The following SNX29 variants were observed in gnomAD, a reference collection of about 807,000 sequenced individuals.
SNX29 encodes sorting nexin-29.
Under a neutral mutation model 102.1 loss-of-function variants are expected in SNX29, and 78 were observed. That is an observed-to-expected ratio of 0.76 (90% CI 0.64 to 0.92). The LOEUF is 0.92. Ranked by LOEUF, SNX29 falls within the 40% of genes least tolerant of loss-of-function variation. The pLI is 0.00. For missense variants in SNX29, 1,280 were observed against 1,061.7 expected (o/e 1.21, Z -2.86); for synonymous variants, 580 against 414.5 (o/e 1.40, Z -4.85).
At position 12,048,413 on chromosome 16, in the gene SNX29, G is replaced by A; in HGVS notation, c.541G>A (p.Asp181Asn). 1 of 1,613,882 alleles carries A rather than the reference G, an allele frequency of 6.2e-7. No individual in the cohort carries two copies. Among genetic ancestry groups the A allele is most frequent in the Non-Finnish European group, 8.5e-7 (1 of 1,179,854 alleles). Residue 181 changes from aspartate to asparagine, a missense_variant, in exon 7 of 21, where the codon GAT (aspartate) becomes AAT (asparagine). Coordinates refer to ENST00000566228, the MANE Select transcript of SNX29 (RefSeq NM_032167.5). ...ILFAINIDNKDLNGQSKFAPT... is the reference protein window; with the variant it reads ...ILFAINIDNKNLNGQSKFAPT... ...CTTTGCGATTAACATCGACAACAAG[G>A]ATTTGAACGGGCAGAGTAAGTTTGC...
At chr16:12,336,533 C>T (rs2081456493) in intron 15 of SNX29, among the ~76,000 whole-genome samples, 2 of 152,176 alleles carry the variant, frequency 1.3e-5, no homozygotes, top group African/African-American at 4.8e-5. Flanking sequence ...TGTGTTTTCT[C>T]TTTACTCAGG....
intron 14 of SNX29, among the ~76,000 whole-genome samples, chr16:12,251,871 T>G (rs1013077545): frequency 2.6e-5 from 4 of 152,114 alleles, no homozygotes; most frequent in Non-Finnish European, 5.9e-5. Flanking sequence ...GCAGTCCTCT[T>G]GACTCAGCCT....
intron 20 of SNX29, among the ~76,000 whole-genome samples, chr16:12,525,144 C>G (rs1054637503): frequency 1.3e-5 from 2 of 152,144 alleles, no homozygotes; most frequent in African/African-American, 2.4e-5. Context: ...GATTAATTTT[C>G]TGTACAGCCC....
At chr16:12,457,906 G>A (rs901552728) in intron 18 of SNX29, among the ~76,000 whole-genome samples, 4 of 152,200 alleles carry the variant, frequency 2.6e-5, no homozygotes, top group South Asian at 2.1e-4. Context: ...AGGGTTCCTC[G>A]TGATGACTAA....
At chr16:12,471,264 GT>G (rs1430816129) in intron 18 of SNX29, among the ~76,000 whole-genome samples, 1 of 152,212 alleles carries the variant, frequency 6.6e-6, no homozygotes, top group Non-Finnish European at 1.5e-5. Context: ...GCATGTTTGT[GT>G]GTGTGTCTGA....
chr16:12,027,247 T>A, intron 3 of SNX29, 73 bp from the exon 4 acceptor site: 2 of 1,589,466 alleles, frequency 1.3e-6, no homozygotes, highest in Non-Finnish European at 1.7e-6. Context: ...ACTCACTTCC[T>A]GGAGATGCTG....
intron 18 of SNX29, among the ~76,000 whole-genome samples, chr16:12,434,064 T>C (rs542292330): frequency 6.6e-6 from 1 of 152,252 alleles, no homozygotes; most frequent in South Asian, 2.1e-4. Flanking sequence ...TAGATCAAGG[T>C]TGATGGGCAA....
At chr16:12,516,848 A>C (rs1413935211) in intron 19 of SNX29, among the ~76,000 whole-genome samples, 1 of 152,162 alleles carries the variant, frequency 6.6e-6, no homozygotes, top group African/African-American at 2.4e-5. Context: ...AGGAAACAAA[A>C]TTCAGGGAAA....
chr16:12,458,524 T>C (rs775205552), intron 18 of SNX29, among the ~76,000 whole-genome samples: 1 of 152,164 alleles, frequency 6.6e-6, no homozygotes, highest in South Asian at 2.1e-4. Context: ...TATGTACATT[T>C]TGTTGTTAGA....
At chr16:12,541,531 T>G (rs1253765371) in intron 20 of SNX29, among the ~76,000 whole-genome samples, 2 of 152,066 alleles carry the variant, frequency 1.3e-5, no homozygotes, top group Non-Finnish European at 1.5e-5. Context: ...TTTCAGCATG[T>G]AGTTGTTCAT....
chr16:12,510,165 T>C (rs2089550243), intron 19 of SNX29, among the ~76,000 whole-genome samples: 1 of 152,218 alleles, frequency 6.6e-6, no homozygotes, highest in Non-Finnish European at 1.5e-5. Flanking sequence ...AGGACGAGAA[T>C]TCCTCTGGGA....
intron 11 of SNX29, among the ~76,000 whole-genome samples, chr16:12,094,232 A>T (rs915415323): frequency 6.6e-6 from 1 of 152,222 alleles, no homozygotes; most frequent in Non-Finnish European, 1.5e-5. Context: ...CACCTGAGCT[A>T]TCGAAGGGTG....
intron 15 of SNX29, among the ~76,000 whole-genome samples, chr16:12,283,759 G>A (rs796714761): frequency 2.6e-5 from 4 of 152,360 alleles, no homozygotes; most frequent in African/African-American, 9.6e-5. Flanking sequence ...TGAGGCAGAC[G>A]TGCCTGTTCT....
chr16:12,451,876 C>T (rs971015924), intron 18 of SNX29, among the ~76,000 whole-genome samples: 5 of 152,116 alleles, frequency 3.3e-5, no homozygotes, highest in African/African-American at 4.8e-5. Flanking sequence ...AATAAATAAA[C>T]AAACAGATGG....
At chr16:12,397,547 AC>A (rs372037861) in intron 16 of SNX29, among the ~76,000 whole-genome samples, 26 of 151,946 alleles carry the variant, frequency 1.7e-4, no homozygotes, top group African/African-American at 6.3e-4. Flanking sequence ...TCACTTCACT[AC>A]CCCTCACCCT....
At chr16:12,167,478 C>A (rs1399806816) in intron 13 of SNX29, among the ~76,000 whole-genome samples, 2 of 152,120 alleles carry the variant, frequency 1.3e-5, no homozygotes, top group African/African-American at 2.4e-5. Flanking sequence ...GACTTCTCCA[C>A]CCACCACCAC....
chr16:12,558,874 A>G (rs1299047746), intron 20 of SNX29, among the ~76,000 whole-genome samples: 1 of 152,212 alleles, frequency 6.6e-6, no homozygotes, highest in Non-Finnish European at 1.5e-5. Flanking sequence ...CCATTTGCAG[A>G]AAATGTGCCT....
intron 15 of SNX29, among the ~76,000 whole-genome samples, chr16:12,341,981 A>G (rs2081623058): frequency 2.0e-5 from 3 of 152,212 alleles, no homozygotes; most frequent in Non-Finnish European, 4.4e-5. Context: ...AAAGAAATTT[A>G]GGCTTGAGAC....
At chr16:12,161,236 G>A (rs2055771976) in intron 13 of SNX29, among the ~76,000 whole-genome samples, 1 of 152,198 alleles carries the variant, frequency 6.6e-6, no homozygotes, top group Non-Finnish European at 1.5e-5. Flanking sequence ...AATACCAGAT[G>A]GGCTGCGTTT....
Sources: allele counts gnomAD v4.1 joint callset (sites outside exome capture counted in the v4.1 genomes callset), GRCh38; gene constraint gnomAD v4.1.1; transcripts MANE v1.5; gene names NCBI Gene and HGNC (gene_info 2026-07-23, HGNC 2026-07-21).